GXYLT1: variants seen among roughly 807,000 people sequenced by gnomAD.
The protein encoded by GXYLT1 is glucoside xylosyltransferase 1, also known as glycosyltransferase 8 domain containing 3.
In GXYLT1, 29 loss-of-function variants were observed where a neutral mutation model predicts 54.0. The ratio of observed to expected loss-of-function variants is 0.54; its 90% CI spans 0.40 to 0.73. The LOEUF (loss-of-function observed/expected upper bound fraction) is 0.73. GXYLT1 is among the 30% of genes least tolerant of loss of function. The pLI is 0.00. For missense variants in GXYLT1, 490 were observed against 553.4 expected, an observed-to-expected ratio of 0.89 and a Z score of 1.15; for synonymous variants, 176 against 204.1, an observed-to-expected ratio of 0.86 and a Z score of 1.17.
At position 42,129,862 on chromosome 12, in the gene GXYLT1, A is replaced by G. The variant is rs1379550752; in HGVS notation, c.222-11T>C. On this transcript the variant is annotated splice_polypyrimidine_tract_variant and intron_variant, in intron 1 of 7. Coordinates refer to ENST00000398675, the MANE Select transcript of GXYLT1 (RefSeq NM_173601.2). ...GAGAAATCTTTACACCTAACAGAGTAAGACAGAAATAAGAGTCCTGTGTGA... is the reference window on the plus strand; with the variant it reads ...GAGAAATCTTTACACCTAACAGAGTGAGACAGAAATAAGAGTCCTGTGTGA... 3 of 1,575,654 alleles carry G rather than the reference A, an allele frequency of 1.9e-6. No homozygotes were observed. The highest frequency in any genetic ancestry group is 1.1e-5 in the South Asian group (1 of 90,022).
At chr12:42,115,232 G>T (rs1350081210) in intron 3 of GXYLT1, among the ~76,000 whole-genome samples, 1 of 152,174 alleles carries the variant, frequency 6.6e-6, no homozygotes, top group East Asian at 1.9e-4. Context: ...AGACAGGGAT[G>T]CCCTCTCTCA....
At position 42,084,611 on chromosome 12, in the gene GXYLT1, G is replaced by T. The variant is rs844046; in HGVS notation, c.*3175C>A. On this transcript the variant is annotated 3_prime_UTR_variant, in exon 8 of 8. Coordinates refer to ENST00000398675, the MANE Select transcript of GXYLT1 (RefSeq NM_173601.2). ...TTAAAAACCTAAGGCACAGAGAAGG[G>T]TAAATAACATGCCTGAGTTACTAAA... 122,142 of 148,866 alleles carry T rather than the reference G, an allele frequency of 0.82. 48,222 individuals carry two copies. Among genetic ancestry groups the T allele is most frequent in the African/African-American group, 0.91 (37,776 of 41,416 alleles). 9.2% of individuals were successfully genotyped at this position (148,866 alleles called of 1,614,324 possible).
chr12:42,123,421 T>C (rs1306763028), intron 2 of GXYLT1, among the ~76,000 whole-genome samples: 1 of 152,092 alleles, frequency 6.6e-6, no homozygotes, highest in Non-Finnish European at 1.5e-5. Context: ...AGGTAAAAAA[T>C]GTATGGTATG....
At chr12:42,123,978 T>G (rs2065546265) in intron 2 of GXYLT1, among the ~76,000 whole-genome samples, 1 of 149,888 alleles carries the variant, frequency 6.7e-6, no homozygotes, top group Non-Finnish European at 1.5e-5. Flanking sequence ...TTGTGCTAAA[T>G]TATCATACCA....
chr12:42,144,462 ACGCCGGCGCCTCTCACGGCGCCGCGTC>A lies in GXYLT1; in HGVS notation c.158_184del (p.Gly53_Gly61del). The A allele has an allele frequency of 9.1e-7, 1 of 1,099,078 alleles. No individual in the cohort carries two copies. The highest frequency in any genetic ancestry group is 1.1e-6 in the Non-Finnish European group (1 of 909,392). The allele number at this position is 1,099,078 out of a possible 1,614,324, so 68.1% of individuals were successfully genotyped here. A position where few individuals can be genotyped will look rare whatever the true frequency, so the allele number is the denominator to read the frequency against. The stretch of plus-strand genomic sequence containing the variant: ...GCCGGGATGCGCTGCGGGGCCCGCG[ACGCCGGCGCCTCTCACGGCGCCGCGTC>A]CGCCGCCCGCGAGCCAGGAAGCCAC... On this transcript the variant is annotated inframe_deletion, in exon 1 of 8. Transcript: ENST00000398675.
chr12:42,087,464 A>T lies in GXYLT1; in HGVS notation c.*322T>A. On this transcript the variant is annotated 3_prime_UTR_variant, in exon 8 of 8. Transcript: ENST00000398675. ...GCACTGTTTGAGGTACATTTTCTCC[A>T]TCTACACACCCCTACCACTCTTGAG... The T allele has an allele frequency of 4.9e-6, 1 of 205,944 alleles. No homozygotes were observed. Among genetic ancestry groups the T allele is most frequent in the Non-Finnish European group, 9.6e-6 (1 of 103,762 alleles). The allele number at this position is 205,944 out of a possible 1,614,324, so 12.8% of individuals were successfully genotyped here.
intron 5 of GXYLT1, among the ~76,000 whole-genome samples, chr12:42,099,525 C>T (rs2065377497): frequency 6.6e-6 from 1 of 152,090 alleles, no homozygotes; most frequent in South Asian, 2.1e-4. Context: ...GCTTGTTATT[C>T]CTCCATGCTG....
chr12:42,130,453 T>C (rs771838091), intron 1 of GXYLT1, among the ~76,000 whole-genome samples: 3 of 151,688 alleles, frequency 2.0e-5, no homozygotes, highest in Admixed American at 1.3e-4. Flanking sequence ...ATGGTTATTA[T>C]CAAAAAGGCA....
chr12:42,134,962 C>G (rs1388704409), intron 1 of GXYLT1, among the ~76,000 whole-genome samples: 5 of 152,172 alleles, frequency 3.3e-5, no homozygotes, highest in African/African-American at 1.2e-4. Flanking sequence ...GACTGTATTA[C>G]TGTTCAGTTA....
chr12:42,102,196 T>C (rs547643761), intron 5 of GXYLT1, among the ~76,000 whole-genome samples: 2 of 152,308 alleles, frequency 1.3e-5, no homozygotes, highest in African/African-American at 4.8e-5. Context: ...TATACATACA[T>C]ATAAAATTAA....
intron 3 of GXYLT1, among the ~76,000 whole-genome samples, chr12:42,116,273 G>T (rs1202601699): frequency 1.3e-5 from 2 of 152,094 alleles, no homozygotes; most frequent in Admixed American, 1.3e-4. Context: ...AGCCAAAATT[G>T]ACAAATGGGA....
chr12:42,088,330 A>C (rs1021310947), intron 7 of GXYLT1, among the ~76,000 whole-genome samples: 2 of 152,158 alleles, frequency 1.3e-5, no homozygotes, highest in Non-Finnish European at 2.9e-5. Context: ...TCTGGCAATA[A>C]TACTGCTGAG....
At chr12:42,108,052 C>A (rs1208699655) in intron 4 of GXYLT1, among the ~76,000 whole-genome samples, 1 of 152,038 alleles carries the variant, frequency 6.6e-6, no homozygotes, top group Non-Finnish European at 1.5e-5. Context: ...AATAAAGCAC[C>A]AATTTACTTA....
intron 3 of GXYLT1, 39 bp from the exon 4 acceptor site, chr12:42,109,730 G>C (rs756632190): frequency 1.0e-5 from 13 of 1,301,342 alleles, no homozygotes; most frequent in Middle Eastern, 1.8e-4. Context: ...GTTTCACTCT[G>C]AATTTTCTCT....
chr12:42,116,365 T>G (rs1212853560), intron 3 of GXYLT1, among the ~76,000 whole-genome samples: 3 of 151,886 alleles, frequency 2.0e-5, no homozygotes, highest in Non-Finnish European at 2.9e-5. Flanking sequence ...GGGAGAAAAT[T>G]TTTGCAAGCT....
At chr12:42,098,982 A>G (rs1400950117) in intron 5 of GXYLT1, among the ~76,000 whole-genome samples, 1 of 151,946 alleles carries the variant, frequency 6.6e-6, no homozygotes, top group Non-Finnish European at 1.5e-5. Flanking sequence ...TTTGCTGAGG[A>G]AAATAACTGG....
Position 42,100,270 on chromosome 12 carries a change from A to C in GXYLT1, c.865-2237T>G, listed in dbSNP as rs1441155659. ...AGTTCACATAGTGTGCTACTATGTA[A>C]ATTTTTTCTATGTCCTCAATAAGAT... is the stretch of plus-strand genomic sequence containing the variant. On this transcript the variant is annotated intron_variant, in intron 5 of 7. Coordinates refer to ENST00000398675, the MANE Select transcript of GXYLT1 (RefSeq NM_173601.2). 4.1e-4 allele frequency among the ~76,000 whole-genome samples: 63 copies of C among 152,158 alleles called. 1 individual carries two copies. Among genetic ancestry groups the C allele is most frequent in the Admixed American group, 4.1e-3 (63 of 15,272 alleles).
chr12:42,130,218 T>C (rs991746040), intron 1 of GXYLT1, among the ~76,000 whole-genome samples: 3 of 152,126 alleles, frequency 2.0e-5, no homozygotes, highest in Admixed American at 2.0e-4. Flanking sequence ...AACAAAATAT[T>C]TGCTTATCCT....
At chr12:42,113,345 T>TAA (rs1442814393) in intron 3 of GXYLT1, among the ~76,000 whole-genome samples, 1 of 150,906 alleles carries the variant, frequency 6.6e-6, no homozygotes, top group East Asian at 1.9e-4. Context: ...GCAAATTGGA[T>TAA]AAAGAGTCAA....
Sources: allele counts gnomAD v4.1 joint callset (sites outside exome capture counted in the v4.1 genomes callset), GRCh38; gene constraint gnomAD v4.1.1; transcripts MANE v1.5; gene names NCBI Gene and HGNC (gene_info 2026-07-23, HGNC 2026-07-21).